Variants in SCUBE2 observed in about 807,000 individuals in gnomAD.
SCUBE2 encodes signal peptide, CUB domain and EGF like domain containing 2.
In SCUBE2, 114 loss-of-function variants were observed where a neutral mutation model predicts 125.9. The observed-to-expected ratio is 0.91, with a 90% confidence interval of 0.78 to 1.06. The LOEUF (loss-of-function observed/expected upper bound fraction) is 1.06. SCUBE2 is among the 50% of genes least tolerant of loss of function. The pLI is 0.00. For synonymous variants in SCUBE2, 459 were observed against 492.9 expected (o/e 0.93, Z 0.91); for missense variants, 1,255 against 1,301.8 (o/e 0.96, Z 0.55).
intron 5 of SCUBE2, among the ~76,000 whole-genome samples, chr11:9,068,791 T>C (rs993339808): frequency 1.3e-5 from 2 of 152,210 alleles, no homozygotes; most frequent in African/African-American, 4.8e-5. Flanking sequence ...CTTGTAAGAA[T>C]TAAATGGGAT....
intron 3 of SCUBE2, among the ~76,000 whole-genome samples, chr11:9,074,971 T>A (rs1446442221): frequency 6.6e-6 from 1 of 152,060 alleles, no homozygotes; most frequent in Non-Finnish European, 1.5e-5. Context: ...ATCCCAGCAC[T>A]TTGGGAGGCT....
chr11:9,073,396 T>C (rs1025256513), intron 4 of SCUBE2, among the ~76,000 whole-genome samples: 3 of 152,180 alleles, frequency 2.0e-5, no homozygotes, highest in Non-Finnish European at 2.9e-5. Flanking sequence ...TCAAACCCAT[T>C]GGCCCCTGGG....
intron 2 of SCUBE2, among the ~76,000 whole-genome samples, chr11:9,087,374 G>A (rs1862180026): frequency 6.6e-6 from 1 of 152,174 alleles, no homozygotes; most frequent in African/African-American, 2.4e-5. Context: ...GTGAACATTT[G>A]TTTCCAAAGC....
Position 9,020,179 on chromosome 11 carries a change from C to T in SCUBE2, c.*866G>A, listed in dbSNP as rs867408126. Among the ~76,000 whole-genome samples the T allele has an allele frequency of 8.5e-5, 13 of 152,282 alleles. No homozygotes were observed. The highest frequency in any genetic ancestry group is 3.4e-3 in the Middle Eastern group (1 of 294). ...TGGGGAGTAGAACCCTTGGCAATAC[C>T]GACTCAGGGTTGGTGAAATCGCCTT... On this transcript the variant is annotated 3_prime_UTR_variant, in exon 23 of 23. Transcript: ENST00000649792.
intron 10 of SCUBE2, among the ~76,000 whole-genome samples, chr11:9,055,496 A>ACT (rs1858988176): frequency 6.6e-6 from 1 of 152,156 alleles, no homozygotes; most frequent in Non-Finnish European, 1.5e-5. Flanking sequence ...CTCCTGAGAT[A>ACT]CCCTTCCACT....
intron 2 of SCUBE2, among the ~76,000 whole-genome samples, chr11:9,086,319 A>G (rs1429628004): frequency 2.0e-5 from 3 of 152,246 alleles, no homozygotes; most frequent in African/African-American, 7.2e-5. Context: ...TACTCTGAGT[A>G]AACCTGATCC....
intron 3 of SCUBE2, among the ~76,000 whole-genome samples, chr11:9,078,265 AAGTCTTACTGAC>A (rs1442827896): frequency 3.3e-5 from 5 of 152,228 alleles, no homozygotes; most frequent in Non-Finnish European, 7.3e-5. Context: ...ACCTGCAATC[AAGTCTTACTGAC>A]AGCTGCAGGC....
At position 9,074,570 on chromosome 11, in the gene SCUBE2, C is replaced by G; in HGVS notation, c.428G>C (p.Cys143Ser). 1 of 1,614,202 alleles carries G rather than the reference C, an allele frequency of 6.2e-7. No individual in the cohort carries two copies. The highest frequency in any genetic ancestry group is 8.5e-7 in the Non-Finnish European group (1 of 1,180,034). Residue 143 changes from cysteine (C) to serine (S), a missense_variant, in exon 4 of 23, where the codon TGT becomes TCT. Around this residue, in one of 3 missense-constraint regions of SCUBE2, gnomAD observed 362 missense variants for 323.0 expected, o/e 1.12. Coordinates refer to ENST00000649792, the MANE Select transcript of SCUBE2 (RefSeq NM_001367977.2). The part of the protein sequence containing the change: ...LENNGGCQHT[C>S]VNVMGSYECC... ...CTCATAGCTCCCCATGACGTTGACA[C>G]AGGTATGCTGGCAGCCGCCATTGTT...
At chr11:9,080,561 G>C (rs1423078318) in intron 2 of SCUBE2, among the ~76,000 whole-genome samples, 1 of 151,716 alleles carries the variant, frequency 6.6e-6, no homozygotes, top group African/African-American at 2.4e-5. Flanking sequence ...TGAGGCAGGA[G>C]GATTGCCTGA....
intron 20 of SCUBE2, 90 bp from the exon 21 acceptor site, chr11:9,025,944 A>G: frequency 7.4e-7 from 1 of 1,344,284 alleles, no homozygotes; most frequent in Non-Finnish European, 1.0e-6. Flanking sequence ...CACTCAAACC[A>G]TACAATAAGT....
chr11:9,022,170 C>T (rs1231351673), intron 21 of SCUBE2: 2 of 520,908 alleles, frequency 3.8e-6, no homozygotes, highest in Admixed American at 3.0e-5. Flanking sequence ...TCCCCGTCCC[C>T]TCTTCCCTCA....
rs746321171 is a variant in SCUBE2 at position 9,047,362 on chromosome 11, G to A, written c.1996C>T (p.Gln666Ter). 2.5e-5 allele frequency: 41 copies of A among 1,613,972 alleles called. No individual in the cohort carries two copies. The highest frequency in any genetic ancestry group is 1.5e-4 in the Admixed American group (9 of 59,996). Reference sequence around the variant, plus strand: ...AATGTCCCAGGCCACTCACCACATTGGTTTTCTGCATGACCCTGGCCCACT... The same window carrying A: ...AATGTCCCAGGCCACTCACCACATTAGTTTTCTGCATGACCCTGGCCCACT... Reference protein sequence around the residue: ...CGVGQGHAENQCVSCRAGTYY... With the variant: ...CGVGQGHAEN Residue 666 changes from glutamine (Q) to a stop codon, truncating the protein, a stop_gained, in exon 16 of 23, where the codon CAA (glutamine) becomes TAA (stop). Coordinates refer to ENST00000649792, the MANE Select transcript of SCUBE2 (RefSeq NM_001367977.2). LOFTEE classifies it high-confidence loss of function.
chr11:9,045,610 GACAC>G (rs72142315), intron 16 of SCUBE2, among the ~76,000 whole-genome samples: 14,768 of 98,564 alleles, frequency 0.15, 814 homozygotes, highest in African/African-American at 0.19. Context: ...CAGACAGACA[GACAC>G]ACACACACAC....
chr11:9,074,614 A>T lies in SCUBE2; in HGVS notation c.384T>A (p.Asp128Glu), dbSNP rs147566728. 9 of 1,614,192 alleles carry T rather than the reference A, an allele frequency of 5.6e-6. No homozygotes were observed. Among genetic ancestry groups the T allele is most frequent in the Non-Finnish European group, 7.6e-6 (9 of 1,180,014 alleles). The change falls in exon 4 of 23, where the codon GAT (aspartate) becomes GAA (glutamate). Residue 128 changes from aspartate (D) to glutamate (E), a missense_variant and splice_region_variant. Physicochemically the swap from Asp to Glu is conservative, Grantham distance 45 (BLOSUM62 2). This residue lies in a region of SCUBE2 where 362 missense variants were observed against 323.0 expected (regional missense o/e 1.12). Coordinates refer to ENST00000649792, the MANE Select transcript of SCUBE2 (RefSeq NM_001367977.2). ...CATTGTTCTCCAGGCACTCGTCCAC[A>T]TCTGGAAGGAGAGAGGGATTAGCCT... ...MLAHDGHNCL[D>E]VDECLENNGG...
intron 10 of SCUBE2, among the ~76,000 whole-genome samples, chr11:9,054,725 A>ATATTT (rs1368153935): frequency 1.3e-4 from 3 of 22,344 alleles, no homozygotes; most frequent in Non-Finnish European, 2.1e-4. Flanking sequence ...ATATATATAT[A>ATATTT]TTTTTTTTTT....
chr11:9,054,703 A>ATATATATATATATG lies in SCUBE2; in HGVS notation c.1208-945_1208-944insCATATATATATATA, dbSNP rs1229524917. Among the ~76,000 whole-genome samples the ATATATATATATATG allele has an allele frequency of 7.3e-5, 3 of 40,972 alleles. 1 individual carries two copies. In the East Asian group the frequency reaches 3.0e-3, roughly 40 times the overall value. 26.9% of individuals were successfully genotyped at this position (40,972 alleles called of 152,430 possible). A position where few individuals can be genotyped will look rare whatever the true frequency, so the allele number is the denominator to read the frequency against. ...ACTGTCAGTAGCAAAGCACTAGTGTATATATATATATATATATATATATTT... is the reference window on the plus strand; with the variant it reads ...ACTGTCAGTAGCAAAGCACTAGTGTATATATATATATATGTATATATATATATATATATATATTT... On this transcript the variant is annotated intron_variant, in intron 10 of 22. Transcript: ENST00000649792.
chr11:9,065,984 C>A lies in SCUBE2; in HGVS notation c.761-4G>T, dbSNP rs377102291. ...TCCAGGACAGTGTCCTCTCGCTCTA[C>A]AAGAGAAGCAAAAGAGCACGGTTCT... On this transcript the variant is annotated splice_polypyrimidine_tract_variant and splice_region_variant and intron_variant, in intron 6 of 22. Coordinates refer to ENST00000649792, the MANE Select transcript of SCUBE2 (RefSeq NM_001367977.2). 4.4e-6 allele frequency: 7 copies of A among 1,608,290 alleles called. No individual in the cohort carries two copies. The African/African-American group carries it at 8.0e-5, about 18-fold the overall frequency.
Position 9,091,368 on chromosome 11 carries a change from A to G in SCUBE2, c.133+28T>C. ...TCTTCCTGGCCCTGCCTGCTGTGCC[A>G]GGTGCGCCCCCGCGGCCGGACACTC... is the stretch of plus-strand genomic sequence containing the variant. On this transcript the variant is annotated intron_variant, in intron 1 of 22. Coordinates refer to ENST00000649792, the MANE Select transcript of SCUBE2 (RefSeq NM_001367977.2). This position sits in a 1 kb window ranked among gnomAD's most constrained non-coding sequence, Gnocchi z 8.5. 7.7e-7 allele frequency: 1 copy of G among 1,298,196 alleles called. No homozygotes were observed. Among genetic ancestry groups the G allele is most frequent in the Non-Finnish European group, 9.7e-7 (1 of 1,027,506 alleles). The allele number at this position is 1,298,196 out of a possible 1,614,324, so 80.4% of individuals were successfully genotyped here.
intron 20 of SCUBE2, chr11:9,026,200 G>A: frequency 5.5e-6 from 1 of 181,534 alleles, no homozygotes; most frequent in Non-Finnish European, 1.1e-5. Flanking sequence ...AGATCAGGCA[G>A]CATGCTAGGC....
Sources: gnomAD v4.1 joint callset for allele counts (sites outside exome capture counted in the v4.1 genomes callset) on GRCh38, gnomAD v4.1.1 for gene constraint, gnomAD v4.1.1 regional missense constraint, Gnocchi (gnomAD v3.1) non-coding constraint, MANE v1.5 for transcripts, NCBI Gene and HGNC (gene_info 2026-07-23, HGNC 2026-07-21) for gene names.